ATXN1: variants seen among roughly 807,000 people sequenced by gnomAD.
The protein encoded by ATXN1 is ataxin-1.
In ATXN1, 8 loss-of-function variants were observed where a neutral mutation model predicts 56.4. That is an observed-to-expected ratio of 0.14 (90% CI 0.08 to 0.26). The LOEUF (loss-of-function observed/expected upper bound fraction) is 0.26. ATXN1 is among the 10% of genes least tolerant of loss of function. ATXN1 has a pLI of 1.00. For synonymous variants in ATXN1, 514 were observed against 494.6 expected (o/e 1.04, Z -0.52); for missense variants, 987 against 1,106.5 (o/e 0.89, Z 1.53).
At chr6:16,354,689 TGA>T (rs1434970719) in intron 6 of ATXN1, among the ~76,000 whole-genome samples, 2 of 152,172 alleles carry the variant, frequency 1.3e-5, no homozygotes, top group Non-Finnish European at 2.9e-5. Flanking sequence ...CTTTGAGGGG[TGA>T]GAGCTCTAAA....
At chr6:16,541,676 C>T (rs1056241276) in intron 4 of ATXN1, among the ~76,000 whole-genome samples, 22 of 152,144 alleles carry the variant, frequency 1.4e-4, no homozygotes, top group African/African-American at 3.4e-4. Flanking sequence ...GGCACAGTGC[C>T]GCACTTGGAC....
chr6:16,403,188 C>T (rs1173480849), intron 6 of ATXN1, among the ~76,000 whole-genome samples: 5 of 152,184 alleles, frequency 3.3e-5, no homozygotes, highest in East Asian at 1.9e-4. Context: ...AATTCTGCCA[C>T]ATCCCAAACC....
chr6:16,627,440 G>C (rs1023460177), intron 3 of ATXN1, among the ~76,000 whole-genome samples: 7 of 152,020 alleles, frequency 4.6e-5, no homozygotes, highest in Non-Finnish European at 1.0e-4. Flanking sequence ...TTAAAGACAG[G>C]GTCCTCGGCC....
intron 6 of ATXN1, among the ~76,000 whole-genome samples, chr6:16,368,819 T>C (rs570368836): frequency 6.6e-6 from 1 of 152,238 alleles, no homozygotes; most frequent in Non-Finnish European, 1.5e-5. Flanking sequence ...TACAAAACTA[T>C]ATTAATTTTC....
At position 16,644,380 on chromosome 6, in the gene ATXN1, C is replaced by T. The variant is rs144566585; in HGVS notation, c.-489+13396G>A. 4.5e-3 allele frequency among the ~76,000 whole-genome samples: 690 copies of T among 151,942 alleles called. 6 individuals carry two copies. The highest frequency in any genetic ancestry group is 0.016 in the African/African-American group (662 of 41,454). The stretch of plus-strand genomic sequence containing the variant: ...AAATACAAAAATTCCCTGGGCGTGG[C>T]GGCATGCGCCTGTAGTCCCAGCTAC... On this transcript the variant is annotated intron_variant, in intron 3 of 7. Transcript: ENST00000436367.
chr6:16,385,925 C>T (rs1234008449), intron 6 of ATXN1, among the ~76,000 whole-genome samples: 1 of 152,180 alleles, frequency 6.6e-6, no homozygotes, highest in Admixed American at 6.5e-5. Flanking sequence ...GTGTGTTCAT[C>T]TGATTATCAC....
intron 2 of ATXN1, among the ~76,000 whole-genome samples, chr6:16,690,629 T>G (rs939205318): frequency 6.6e-6 from 1 of 152,184 alleles, no homozygotes; most frequent in Non-Finnish European, 1.5e-5. Flanking sequence ...TGAGAAAAAG[T>G]AACTCAAGTG....
chr6:16,758,460 T>G (rs886935582), intron 1 of ATXN1, among the ~76,000 whole-genome samples: 2 of 152,252 alleles, frequency 1.3e-5, no homozygotes, highest in African/African-American at 2.4e-5. Flanking sequence ...ATTTACATAC[T>G]GCACCTAGGA....
intron 5 of ATXN1, among the ~76,000 whole-genome samples, chr6:16,512,843 C>A (rs1213528015): frequency 6.6e-6 from 1 of 152,192 alleles, no homozygotes; most frequent in Non-Finnish European, 1.5e-5. Flanking sequence ...CCATCACCAT[C>A]ACCTCCTAAC....
chr6:16,755,442 C>A (rs529014131), intron 1 of ATXN1, among the ~76,000 whole-genome samples: 1 of 152,148 alleles, frequency 6.6e-6, no homozygotes, highest in Non-Finnish European at 1.5e-5. Flanking sequence ...AGCAGAGCAA[C>A]ATAATACAAT....
At chr6:16,422,677 A>T (rs370337296) in intron 6 of ATXN1, among the ~76,000 whole-genome samples, 1 of 152,236 alleles carries the variant, frequency 6.6e-6, no homozygotes, top group East Asian at 1.9e-4. Flanking sequence ...CCCAAGACAC[A>T]CCTATGCCTT....
intron 2 of ATXN1, among the ~76,000 whole-genome samples, chr6:16,694,478 GTCCCTTCTTTAAAA>G (rs1438454078): frequency 6.6e-6 from 1 of 151,958 alleles, no homozygotes; most frequent in Admixed American, 6.6e-5. Context: ...CGTCACAATT[GTCCCTTCTTTAAAA>G]GAAATTATGT....
chr6:16,479,122 T>G (rs146310114), intron 6 of ATXN1, among the ~76,000 whole-genome samples: 3 of 152,182 alleles, frequency 2.0e-5, no homozygotes, highest in Admixed American at 2.0e-4. Flanking sequence ...AAGATTATGA[T>G]AGAGGATAGC....
chr6:16,748,742 G>A (rs1760617371), intron 2 of ATXN1, among the ~76,000 whole-genome samples: 1 of 151,850 alleles, frequency 6.6e-6, no homozygotes, highest in Non-Finnish European at 1.5e-5. Flanking sequence ...CATCCCTCTT[G>A]TTCCTGTCTT....
intron 6 of ATXN1, among the ~76,000 whole-genome samples, chr6:16,336,065 T>A (rs1761116263): frequency 6.6e-6 from 1 of 152,250 alleles, no homozygotes; most frequent in South Asian, 2.1e-4. Context: ...ATTTATTGAT[T>A]ACTTATTATA....
intron 3 of ATXN1, among the ~76,000 whole-genome samples, chr6:16,654,224 C>A (rs1581334120): frequency 6.6e-6 from 1 of 152,028 alleles, no homozygotes; most frequent in African/African-American, 2.4e-5. Context: ...AAGAAGCAGG[C>A]CCTAAATGTG....
chr6:16,645,433 G>A (rs565137880), intron 3 of ATXN1, among the ~76,000 whole-genome samples: 6 of 152,274 alleles, frequency 3.9e-5, no homozygotes, highest in Non-Finnish European at 7.4e-5. Flanking sequence ...TGGGGCTTTC[G>A]TTTCCTTAAA....
At chr6:16,347,849 C>T (rs6937740) in intron 6 of ATXN1, among the ~76,000 whole-genome samples, 14,185 of 152,192 alleles carry the variant, frequency 0.093, 1,105 homozygotes, top group East Asian at 0.39. Flanking sequence ...TAACCTTCTC[C>T]GATCCCTTTC....
chr6:16,500,558 G>A (rs1760863302), intron 5 of ATXN1, among the ~76,000 whole-genome samples: 1 of 152,044 alleles, frequency 6.6e-6, no homozygotes, highest in Admixed American at 6.6e-5. Context: ...ATGCATGTGG[G>A]TGTGTGAGTG....
Sources: gnomAD v4.1 joint callset for allele counts (sites outside exome capture counted in the v4.1 genomes callset) on GRCh38, gnomAD v4.1.1 for gene constraint, MANE v1.5 for transcripts, NCBI Gene and HGNC (gene_info 2026-07-23, HGNC 2026-07-21) for gene names.